Variants in PIK3CB observed in about 807,000 individuals in gnomAD.
PIK3CB encodes phosphatidylinositol-4,5-bisphosphate 3-kinase catalytic subunit beta, also known as phosphatidylinositol 4,5-bisphosphate 3-kinase catalytic subunit beta isoform.
A neutral mutation model predicts 136.8 loss-of-function variants in PIK3CB; 39 were observed. That is an observed-to-expected ratio of 0.29 (90% CI 0.22 to 0.37). The LOEUF (loss-of-function observed/expected upper bound fraction) is 0.37. Ranked by LOEUF, PIK3CB falls within the 10% of genes least tolerant of loss-of-function variation. PIK3CB has a pLI of 1.00. For missense variants in PIK3CB, 868 were observed against 1,275.4 expected (o/e 0.68, Z 4.87); for synonymous variants, 428 against 436.6 (o/e 0.98, Z 0.25).
At chr3:138,729,490 C>G (rs1045207240) in intron 8 of PIK3CB, among the ~76,000 whole-genome samples, 8 of 152,124 alleles carry the variant, frequency 5.3e-5, no homozygotes, top group African/African-American at 1.9e-4. Flanking sequence ...TGTAGGCTAG[C>G]CTCATCCAAC....
intron 14 of PIK3CB, among the ~76,000 whole-genome samples, chr3:138,693,966 T>TATATATATA (rs1457395869): frequency 0.018 from 780 of 42,318 alleles, 121 homozygotes; most frequent in East Asian, 0.036. Context: ...TATATATATA[T>TATATATATA]TATATATATA....
At chr3:138,676,618 G>A (rs559911906) in intron 19 of PIK3CB, among the ~76,000 whole-genome samples, 16 of 152,274 alleles carry the variant, frequency 1.1e-4, no homozygotes, top group African/African-American at 3.9e-4. Context: ...ATTAACTGAT[G>A]TATGGATAAA....
At chr3:138,704,858 TTA>T (rs1250607326) in intron 11 of PIK3CB, among the ~76,000 whole-genome samples, 2 of 152,098 alleles carry the variant, frequency 1.3e-5, no homozygotes, top group Non-Finnish European at 2.9e-5. Flanking sequence ...ACTTTTCTCA[TTA>T]TGTTTTTTCT....
intron 12 of PIK3CB, among the ~76,000 whole-genome samples, chr3:138,700,920 T>C (rs1156876443): frequency 6.6e-6 from 1 of 152,156 alleles, no homozygotes; most frequent in Admixed American, 6.6e-5. Context: ...AATGTTTACT[T>C]AGTGTCAAAA....
In PIK3CB at chr3:138,694,794, T is replaced by C. The variant is rs2044099797; in HGVS notation, c.1884A>G (p.Arg628=). ...YVREYAVGCL[R]QMSDEELSQY... ...CCACCTGCAGAAGATACCTCATCTGTCGCAGGCAGCCTACAGCATATTCTC... is the reference window on the plus strand; with the variant it reads ...CCACCTGCAGAAGATACCTCATCTGCCGCAGGCAGCCTACAGCATATTCTC... The change falls in exon 14 of 24, where the codon CGA becomes CGG. Residue 628 remains arginine (R), a synonymous_variant. Transcript: ENST00000674063. 6.2e-7 allele frequency: 1 copy of C among 1,612,618 alleles called. No homozygotes were observed. Among genetic ancestry groups the C allele is most frequent in the African/African-American group, 1.3e-5 (1 of 74,868 alleles).
intron 21 of PIK3CB, among the ~76,000 whole-genome samples, chr3:138,659,194 A>G (rs1048086982): frequency 1.3e-5 from 2 of 152,224 alleles, no homozygotes; most frequent in African/African-American, 4.8e-5. Flanking sequence ...CTGTTTTCAT[A>G]TATTAACAAA....
intron 1 of PIK3CB, among the ~76,000 whole-genome samples, chr3:138,798,384 C>T (rs973358158): frequency 2.6e-5 from 4 of 152,182 alleles, no homozygotes; most frequent in Admixed American, 2.0e-4. Context: ...AGGCTGGTCT[C>T]GAACTCCTGA....
chr3:138,796,636 C>T (rs2046112349), intron 1 of PIK3CB, 69 bp from the exon 2 acceptor site: 2 of 152,000 alleles, frequency 1.3e-5, no homozygotes, highest in Non-Finnish European at 2.9e-5. Context: ...AATTTTATTA[C>T]TTATATATGT....
intron 8 of PIK3CB, among the ~76,000 whole-genome samples, chr3:138,723,445 G>A (rs1436970862): frequency 6.6e-6 from 1 of 152,132 alleles, no homozygotes; most frequent in Non-Finnish European, 1.5e-5. Context: ...CAGCTACTCA[G>A]GAGGCTGAGG....
At chr3:138,773,550 T>C (rs991569848) in intron 2 of PIK3CB, among the ~76,000 whole-genome samples, 1 of 152,188 alleles carries the variant, frequency 6.6e-6, no homozygotes, top group Non-Finnish European at 1.5e-5. Flanking sequence ...TTCCAAAATA[T>C]ACAGCTAGCC....
rs77145925 is a variant in PIK3CB, at chr3:138,749,650, G to A, written c.397+6104C>T. On this transcript the variant is annotated intron_variant, in intron 4 of 23. Transcript: ENST00000674063. ...ATAATCAATTTCTTTTCCTTGAATA[G>A]GCCATTCTTCACATGTGCCATTTCT... 8.3e-3 allele frequency among the ~76,000 whole-genome samples: 1,263 copies of A among 152,144 alleles called. 28 individuals are homozygous for A. Among genetic ancestry groups the A allele is most frequent in the African/African-American group, 0.029 (1,205 of 41,522 alleles).
intron 2 of PIK3CB, among the ~76,000 whole-genome samples, chr3:138,785,091 C>A (rs971395471): frequency 6.6e-6 from 1 of 151,638 alleles, no homozygotes; most frequent in Non-Finnish European, 1.5e-5. Flanking sequence ...CCGCCCTGTC[C>A]GGGAGGTGGG....
rs1361390697 is a variant in PIK3CB at position 138,756,286 on chromosome 3, G to C, written c.172-307C>G. 2.0e-5 allele frequency among the ~76,000 whole-genome samples: 3 copies of C among 151,868 alleles called. No homozygotes were observed. In the East Asian group the frequency reaches 5.8e-4, roughly 29 times the overall value. On this transcript the variant is annotated intron_variant, in intron 3 of 23. Transcript: ENST00000674063. ...ATATGGTATTATCCCATGTTTGTAG[G>C]GTAATATAATGGCATAGTGCACAAA...
At chr3:138,754,626 A>T (rs2045531864) in intron 4 of PIK3CB, among the ~76,000 whole-genome samples, 3 of 152,190 alleles carry the variant, frequency 2.0e-5, no homozygotes, top group Non-Finnish European at 4.4e-5. Context: ...CCAAAAATAA[A>T]CTAGCCACCC....
chr3:138,825,941 C>A, intron 1 of PIK3CB: 1 of 1,557,452 alleles, frequency 6.4e-7, no homozygotes, highest in African/African-American at 1.4e-5. Flanking sequence ...AAATGACCCA[C>A]CAATGGAAGC....
Position 138,714,580 on chromosome 3 carries a change from A to C in PIK3CB, c.1190T>G (p.Met397Arg), listed in dbSNP as rs1490231759. 1 of 1,613,728 alleles carries C rather than the reference A, an allele frequency of 6.2e-7. No individual in the cohort carries two copies. Among genetic ancestry groups the C allele is most frequent in the East Asian group, 2.2e-5 (1 of 44,858 alleles). Residue 397 changes from methionine (M) to arginine (R), a missense_variant, in exon 9 of 24, where the codon ATG becomes AGG. Around this residue, in one of 4 missense-constraint regions of PIK3CB, gnomAD observed 612 missense variants for 801.1 expected, o/e 0.76. Coordinates refer to ENST00000674063, the MANE Select transcript of PIK3CB (RefSeq NM_006219.3). ...FDINICDLPR[M>R]ARLCFAVYAV... ...ATAAACAGCAAAACATAATCGAGCC[A>C]TTCTTGGTAAGTCACAAATATTAAT...
intron 1 of PIK3CB, among the ~76,000 whole-genome samples, chr3:138,811,522 T>C (rs1576427159): frequency 6.7e-6 from 1 of 150,222 alleles, no homozygotes; most frequent in Middle Eastern, 3.4e-3. Flanking sequence ...GCCTCCCAGG[T>C]TCAAGCGATT....
chr3:138,801,790 G>A (rs146441832), intron 1 of PIK3CB, among the ~76,000 whole-genome samples: 2,059 of 147,606 alleles, frequency 0.014, 45 homozygotes, highest in Middle Eastern at 0.051. Context: ...TTGAACCCGG[G>A]AGGCAGAGGT....
intron 4 of PIK3CB, among the ~76,000 whole-genome samples, chr3:138,755,428 G>T (rs2108719367): frequency 6.6e-6 from 1 of 152,250 alleles, no homozygotes; most frequent in South Asian, 2.1e-4. Flanking sequence ...GATCACTTGA[G>T]CCCAGGAGTT....
Sources: gnomAD v4.1 joint callset for allele counts (sites outside exome capture counted in the v4.1 genomes callset) on GRCh38, gnomAD v4.1.1 for gene constraint, gnomAD v4.1.1 regional missense constraint, MANE v1.5 for transcripts, NCBI Gene and HGNC (gene_info 2026-07-23, HGNC 2026-07-21) for gene names.